PCSK6: variants seen among roughly 807,000 people sequenced by gnomAD.
PCSK6 encodes the protein proprotein convertase subtilisin/kexin type 6.
PCSK6 carries 85 observed loss-of-function variants against 123.3 expected under a neutral mutation model. The observed-to-expected ratio is 0.69, with a 90% CI of 0.58 to 0.83. The LOEUF is 0.83. Ranked by LOEUF, PCSK6 falls within the 40% of genes least tolerant of loss-of-function variation. The probability of loss-of-function intolerance (pLI) is 0.00; values close to 1 mark genes in which losing one functional copy is unlikely to be tolerated. For missense variants in PCSK6, 1,191 were observed against 1,282.3 expected, an observed-to-expected ratio of 0.93 and a Z score of 1.09; for synonymous variants, 508 against 516.0, an observed-to-expected ratio of 0.98 and a Z score of 0.21.
intron 1 of PCSK6, among the ~76,000 whole-genome samples, chr15:101,462,627 G>C (rs989247089): frequency 6.6e-6 from 1 of 152,148 alleles, no homozygotes; most frequent in Non-Finnish European, 1.5e-5. Context: ...TACAGAACTT[G>C]ATTTACTGAT....
At chr15:101,436,725 C>G (rs185309919) in intron 2 of PCSK6, among the ~76,000 whole-genome samples, 2 of 152,340 alleles carry the variant, frequency 1.3e-5, no homozygotes, top group South Asian at 2.1e-4. Flanking sequence ...ACCGGTCCCT[C>G]TCTCAGAGCT....
chr15:101,363,630 A>G (rs112230190), intron 13 of PCSK6, among the ~76,000 whole-genome samples: 1,559 of 149,500 alleles, frequency 0.01, 24 homozygotes, highest in African/African-American at 0.037. Flanking sequence ...GATTTGTTAT[A>G]ACACTTTTTT....
intron 17 of PCSK6, among the ~76,000 whole-genome samples, chr15:101,323,710 G>C (rs1405781222): frequency 6.8e-6 from 1 of 146,720 alleles, no homozygotes; most frequent in Non-Finnish European, 1.5e-5. Flanking sequence ...TCCAGCCTGG[G>C]AGACAGTGAG....
chr15:101,379,488 G>C (rs2041850250), intron 11 of PCSK6, among the ~76,000 whole-genome samples: 1 of 152,198 alleles, frequency 6.6e-6, no homozygotes, highest in Non-Finnish European at 1.5e-5. Context: ...ATCCCACGCA[G>C]TGCACACGGA....
At chr15:101,394,998 G>A (rs2141560711) in intron 7 of PCSK6, among the ~76,000 whole-genome samples, 1 of 152,342 alleles carries the variant, frequency 6.6e-6, no homozygotes, top group South Asian at 2.1e-4. Context: ...AAGGTGGTGT[G>A]TGTGTGCACG....
chr15:101,453,207 T>G (rs2057080329), intron 1 of PCSK6, among the ~76,000 whole-genome samples: 1 of 152,066 alleles, frequency 6.6e-6, no homozygotes, highest in Non-Finnish European at 1.5e-5. Context: ...AATTATTTTG[T>G]AAAAGAGACA....
chr15:101,346,576 C>G (rs1415450685), intron 13 of PCSK6: 1 of 351,276 alleles, frequency 2.8e-6, no homozygotes, highest in African/African-American at 2.1e-5. Context: ...GTTCGAAAAT[C>G]AAACACACTT....
chr15:101,476,603 T>C (rs1025522788), intron 1 of PCSK6, among the ~76,000 whole-genome samples: 2 of 150,878 alleles, frequency 1.3e-5, no homozygotes, highest in African/African-American at 4.9e-5. Context: ...TGTGTGTATA[T>C]GCGCACGTAT....
Position 101,449,597 on chromosome 15 carries a change from G to T in PCSK6, c.298-5937C>A, listed in dbSNP as rs545641996. Among the ~76,000 whole-genome samples the T allele has an allele frequency of 5.9e-5, 9 of 152,274 alleles. No individual in the cohort carries two copies. In the South Asian group the frequency reaches 1.9e-3, roughly 32 times the overall value. ...CCCTAACTCAGAACTCCAGATCTAT[G>T]GCTCGCCACCTTCGTACATGTCAGC... On this transcript the variant is annotated intron_variant, in intron 1 of 21. Transcript: ENST00000611716.
intron 6 of PCSK6, among the ~76,000 whole-genome samples, chr15:101,402,768 A>C (rs1035503690): frequency 3.3e-5 from 5 of 152,306 alleles, no homozygotes; most frequent in Middle Eastern, 3.4e-3. Flanking sequence ...AAGTCAGGAA[A>C]CAACAGGTGC....
intron 11 of PCSK6, among the ~76,000 whole-genome samples, chr15:101,378,389 G>C (rs1356918364): frequency 6.6e-6 from 1 of 152,206 alleles, no homozygotes; most frequent in African/African-American, 2.4e-5. Flanking sequence ...TGCTATCCTG[G>C]AGGACTCTAG....
intron 1 of PCSK6, among the ~76,000 whole-genome samples, chr15:101,464,815 G>A (rs146824936): frequency 1.3e-5 from 2 of 152,274 alleles, no homozygotes; most frequent in East Asian, 1.9e-4. Context: ...AGAAGTCCAT[G>A]GAGGCTGTCC....
At chr15:101,410,785 G>A (rs939642545) in intron 6 of PCSK6, among the ~76,000 whole-genome samples, 12 of 152,188 alleles carry the variant, frequency 7.9e-5, no homozygotes, top group Non-Finnish European at 1.2e-4. Flanking sequence ...AAGCCTCTGC[G>A]CTGCCTCTTG....
intron 6 of PCSK6, among the ~76,000 whole-genome samples, chr15:101,405,175 T>C (rs1268892351): frequency 1.3e-5 from 2 of 152,140 alleles, no homozygotes; most frequent in Non-Finnish European, 2.9e-5. Context: ...TCTCTGGAAA[T>C]GCCAAGGAGA....
At chr15:101,450,471 C>G (rs1195536251) in intron 1 of PCSK6, among the ~76,000 whole-genome samples, 1 of 152,312 alleles carries the variant, frequency 6.6e-6, no homozygotes, top group Admixed American at 6.5e-5. Context: ...CCCTGTATGC[C>G]CAGACATGGC....
At position 101,305,773 on chromosome 15, in the gene PCSK6, G is replaced by A. The variant is rs143364004; in HGVS notation, c.2813-418C>T. On this transcript the variant is annotated intron_variant, in intron 21 of 21. Transcript: ENST00000611716. This position sits in a 1 kb window ranked among gnomAD's most constrained non-coding sequence, Gnocchi z 4.8. ...ATCATTCCACATATGCTGGGCATCA[G>A]TGGTGCCCTGGGCAAGAGGGACACA... is the stretch of plus-strand genomic sequence containing the variant. 6.8e-5 allele frequency: 11 copies of A among 162,826 alleles called. No individual in the cohort carries two copies. Among genetic ancestry groups the A allele is most frequent in the African/African-American group, 1.4e-4 (6 of 41,752 alleles). The allele number at this position is 162,826 out of a possible 1,614,324, so 10.1% of individuals were successfully genotyped here.
At position 101,318,379 on chromosome 15, in the gene PCSK6, A is replaced by G. The variant is rs1286935359; in HGVS notation, c.2509T>C (p.Tyr837His). ...CATCTGATCAGCTCTGAGTCAAAGTAGGTGCCTGGCTCACAGTCAGGAATG... is the reference window on the plus strand; with the variant it reads ...CATCTGATCAGCTCTGAGTCAAAGTGGGTGCCTGGCTCACAGTCAGGAATG... ...SCIPDCEPGT[Y>H]FDSELIRCGE... Residue 837 changes from tyrosine (Y) to histidine (H), a missense_variant, in exon 19 of 22, where the codon TAC (tyrosine) becomes CAC (histidine). This residue lies in a region of PCSK6 where 630 missense variants were observed against 631.4 expected (regional missense o/e 1.00). Transcript: ENST00000611716. The G allele has an allele frequency of 3.2e-6, 5 of 1,565,464 alleles. No homozygotes were observed. Among genetic ancestry groups the G allele is most frequent in the Non-Finnish European group, 3.5e-6 (4 of 1,155,074 alleles).
chr15:101,454,715 T>A (rs996823248), intron 1 of PCSK6, among the ~76,000 whole-genome samples: 2 of 151,722 alleles, frequency 1.3e-5, no homozygotes, highest in Non-Finnish European at 2.9e-5. Flanking sequence ...CCGAGGCAGG[T>A]GGACAGATCA....
chr15:101,478,417 G>T (rs561141400), intron 1 of PCSK6, among the ~76,000 whole-genome samples: 7 of 152,274 alleles, frequency 4.6e-5, no homozygotes, highest in Admixed American at 4.6e-4. Context: ...GAGCCAGACT[G>T]CTTCTTTACA....
Sources: allele counts gnomAD v4.1 joint callset (sites outside exome capture counted in the v4.1 genomes callset), GRCh38; gene constraint gnomAD v4.1.1; regional missense constraint gnomAD v4.1.1; non-coding constraint Gnocchi (gnomAD v3.1); transcripts MANE v1.5; gene names NCBI Gene and HGNC (gene_info 2026-07-23, HGNC 2026-07-21).